SLC24A4: variants seen among roughly 807,000 people sequenced by gnomAD.
SLC24A4 encodes the protein sodium/potassium/calcium exchanger 4.
SLC24A4 carries 53 observed loss-of-function variants against 79.0 expected under a neutral mutation model. The observed-to-expected ratio is 0.67, with a 90% CI of 0.54 to 0.84. The LOEUF is 0.84. Ranked by LOEUF, SLC24A4 falls within the 40% of genes least tolerant of loss-of-function variation. The probability of loss-of-function intolerance (pLI) is 0.00; values close to 1 mark genes in which losing one functional copy is unlikely to be tolerated. For synonymous variants in SLC24A4, 323 were observed against 323.8 expected (o/e 1.00, Z 0.03); for missense variants, 731 against 822.0 (o/e 0.89, Z 1.35).
intron 14 of SLC24A4, among the ~76,000 whole-genome samples, chr14:92,488,477 A>G (rs1895498973): frequency 7.0e-6 from 1 of 142,318 alleles, no homozygotes; most frequent in Non-Finnish European, 1.5e-5. Context: ...CTATTTCCAA[A>G]TAAAGTCACA....
chr14:92,456,324 G>T, intron 11 of SLC24A4, 80 bp from the exon 12 acceptor site: 3 of 1,449,276 alleles, frequency 2.1e-6, no homozygotes, highest in South Asian at 2.3e-5. Flanking sequence ...AGCAGGGTGC[G>T]TGTGAGGGAC....
At chr14:92,412,128 C>A (rs1890750769) in intron 2 of SLC24A4, among the ~76,000 whole-genome samples, 1 of 152,148 alleles carries the variant, frequency 6.6e-6, no homozygotes, top group Non-Finnish European at 1.5e-5. Flanking sequence ...CTGCACTTTA[C>A]CACTTTGGGG....
At chr14:92,473,463 T>C (rs1286779553) in intron 12 of SLC24A4, among the ~76,000 whole-genome samples, 1 of 152,210 alleles carries the variant, frequency 6.6e-6, no homozygotes, top group Non-Finnish European at 1.5e-5. Flanking sequence ...AGGAGCGAGA[T>C]ACTCTTGGCT....
intron 2 of SLC24A4, among the ~76,000 whole-genome samples, chr14:92,389,176 C>A (rs4904887): frequency 6.6e-6 from 1 of 151,984 alleles, no homozygotes; most frequent in South Asian, 2.1e-4. Flanking sequence ...GTGTCTATTC[C>A]TATGTATGTT....
chr14:92,400,995 A>G (rs1439944827), intron 2 of SLC24A4, among the ~76,000 whole-genome samples: 2 of 152,184 alleles, frequency 1.3e-5, no homozygotes, highest in African/African-American at 4.8e-5. Flanking sequence ...CTGAAGTGAA[A>G]GAGATTCTTC....
At position 92,442,104 on chromosome 14, in the gene SLC24A4, G is replaced by A. The variant is rs748090494; in HGVS notation, c.409G>A (p.Glu137Lys). The change falls in exon 5 of 17, where the codon GAA becomes AAA. Residue 137 changes from glutamate to lysine, a missense_variant. Glu to Lys is a moderately conservative substitution (Grantham distance 56). Transcript: ENST00000532405. ...TCCGTTTCAGAGACTCCATCTGAGC[G>A]AAGATGTGGCTGGAGCCACCTTCAT... ...EKICERLHLS[E>K]DVAGATFMAA... is the part of the protein sequence containing the mutation. 24 of 1,613,794 alleles carry A rather than the reference G, an allele frequency of 1.5e-5. No homozygotes were observed. Among genetic ancestry groups the A allele is most frequent in the East Asian group, 2.2e-5 (1 of 44,888 alleles).
intron 2 of SLC24A4, among the ~76,000 whole-genome samples, chr14:92,361,108 C>T (rs1004874200): frequency 6.6e-6 from 1 of 152,186 alleles, no homozygotes; most frequent in Non-Finnish European, 1.5e-5. Flanking sequence ...GGGCTAAACT[C>T]TGCCAACTGT....
intron 2 of SLC24A4, among the ~76,000 whole-genome samples, chr14:92,396,649 A>G (rs140659344): frequency 3.3e-5 from 5 of 152,324 alleles, no homozygotes; most frequent in Admixed American, 6.5e-5. Context: ...GCAACAGTTT[A>G]CTTCTAGAGC....
rs1045791314 is a variant in SLC24A4 at position 92,496,152 on chromosome 14, T to A, written c.*2524T>A. On this transcript the variant is annotated 3_prime_UTR_variant, in exon 17 of 17. Coordinates refer to ENST00000532405, the MANE Select transcript of SLC24A4 (RefSeq NM_153646.4). The stretch of plus-strand genomic sequence containing the variant: ...AGTTAGAAACTAAAATAATGTTTTT[T>A]AATATGTAATATGCTCCTCTTGGCT... 7 of 152,690 alleles carry A rather than the reference T, an allele frequency of 4.6e-5. No homozygotes were observed. Among genetic ancestry groups the A allele is most frequent in the Non-Finnish European group, 8.8e-5 (6 of 68,048 alleles). The allele number at this position is 152,690 out of a possible 1,614,324, so 9.5% of individuals were successfully genotyped here.
chr14:92,474,999 A>G lies in SLC24A4; in HGVS notation c.1256-7681A>G, dbSNP rs185133085. 6.6e-5 allele frequency among the ~76,000 whole-genome samples: 10 copies of G among 150,964 alleles called. No individual in the cohort carries two copies. The East Asian group carries it at 1.8e-3, about 26-fold the overall frequency. On this transcript the variant is annotated intron_variant, in intron 12 of 16. Transcript: ENST00000532405. The stretch of plus-strand genomic sequence containing the variant: ...AGGCGTGAGCCACCGTGCCCGGCCT[A>G]TATTTGAACCTGTGTCTTTATTGAT...
At chr14:92,388,869 C>T (rs1446178877) in intron 2 of SLC24A4, among the ~76,000 whole-genome samples, 1 of 152,220 alleles carries the variant, frequency 6.6e-6, no homozygotes, top group East Asian at 1.9e-4. Context: ...CATCTTGCTC[C>T]TGCCTCTGGG....
intron 14 of SLC24A4, among the ~76,000 whole-genome samples, chr14:92,489,797 G>T (rs1364013945): frequency 1.3e-5 from 2 of 152,096 alleles, no homozygotes; most frequent in African/African-American, 4.8e-5. Context: ...CCAAACCTGA[G>T]ACCCGCTCAT....
intron 2 of SLC24A4, among the ~76,000 whole-genome samples, chr14:92,354,824 A>G (rs1887085271): frequency 6.6e-6 from 1 of 152,142 alleles, no homozygotes; most frequent in Non-Finnish European, 1.5e-5. Context: ...CTGTAATCCC[A>G]GCACTTTGGG....
At position 92,447,409 on chromosome 14, in the gene SLC24A4, A is replaced by G; in HGVS notation, c.722A>G (p.Tyr241Cys). 1 of 1,614,000 alleles carries G rather than the reference A, an allele frequency of 6.2e-7. No individual in the cohort carries two copies. The highest frequency in any genetic ancestry group is 8.5e-7 in the Non-Finnish European group (1 of 1,179,972). The change falls in exon 9 of 17, where the codon TAT becomes TGT. Residue 241 changes from tyrosine to cysteine, a missense_variant. Physicochemically the swap from Tyr to Cys is radical, Grantham distance 194. Transcript: ENST00000532405. ...GLVLIILYVF[Y>C]ILIMKYNVKM... The stretch of plus-strand genomic sequence containing the variant: ...GTGCTCATCATCTTGTATGTGTTTT[A>G]TATTCTGATCATGAAGTAAGTGCCC...
chr14:92,382,681 C>G (rs867203533), intron 2 of SLC24A4, among the ~76,000 whole-genome samples: 1 of 152,206 alleles, frequency 6.6e-6, no homozygotes, highest in Admixed American at 6.5e-5. Context: ...CAAGCTGCCC[C>G]CTCCGTAGGT....
chr14:92,419,364 G>A (rs967232725), intron 2 of SLC24A4, among the ~76,000 whole-genome samples: 2 of 152,190 alleles, frequency 1.3e-5, no homozygotes, highest in African/African-American at 4.8e-5. Context: ...TTGGGTTTGG[G>A]TGGAGGTGCT....
Position 92,474,843 on chromosome 14 carries a change from G to GTGTGTGTGTGTGTA in SLC24A4, c.1256-7836_1256-7835insGTGTGTGTGTGTAT, listed in dbSNP as rs779007741. Among the ~76,000 whole-genome samples the GTGTGTGTGTGTGTA allele has an allele frequency of 8.0e-4, 19 of 23,888 alleles. 1 individual carries two copies. The highest frequency in any genetic ancestry group is 4.2e-3 in the Admixed American group (7 of 1,648). The allele number at this position is 23,888 out of a possible 152,430, so 15.7% of individuals were successfully genotyped here. ...TATACATATATATGTGTGTGTGTGT[G>GTGTGTGTGTGTGTA]TATATATATATATATATATATTTTT... is the stretch of plus-strand genomic sequence containing the variant. On this transcript the variant is annotated intron_variant, in intron 12 of 16. Transcript: ENST00000532405.
intron 2 of SLC24A4, 46 bp downstream of exon 2, chr14:92,326,024 C>T (rs548666919): frequency 2.8e-6 from 4 of 1,417,296 alleles, no homozygotes; most frequent in East Asian, 2.3e-5. Context: ...GATGTTTGGC[C>T]TGGCCTGGAG....
At position 92,357,756 on chromosome 14, in the gene SLC24A4, G is replaced by A. The variant is rs1446194958; in HGVS notation, c.241+31778G>A. The stretch of plus-strand genomic sequence containing the variant: ...TTGGGAAGATGGAAAGAGTTCTGGC[G>A]CTGGACGGGGGTGATGGTTGCACAA... On this transcript the variant is annotated intron_variant, in intron 2 of 16. Coordinates refer to ENST00000532405, the MANE Select transcript of SLC24A4 (RefSeq NM_153646.4). Among the ~76,000 whole-genome samples the A allele has an allele frequency of 2.0e-5, 3 of 152,306 alleles. No individual in the cohort carries two copies. The South Asian group carries it at 6.2e-4, about 32-fold the overall frequency.
Sources: gnomAD v4.1 joint callset for allele counts (sites outside exome capture counted in the v4.1 genomes callset) on GRCh38, gnomAD v4.1.1 for gene constraint, MANE v1.5 for transcripts, NCBI Gene and HGNC (gene_info 2026-07-23, HGNC 2026-07-21) for gene names.